The following ALK variants were observed in gnomAD, a reference collection of about 807,000 sequenced individuals.
ALK encodes the protein ALK receptor tyrosine kinase.
A neutral mutation model predicts 163.1 loss-of-function variants in ALK; 74 were observed. The ratio of observed to expected loss-of-function variants is 0.45; its 90% confidence interval spans 0.38 to 0.55. The LOEUF (loss-of-function observed/expected upper bound fraction) is 0.55, where lower values mean the gene tolerates loss of function less well. Among genes scored for constraint, ALK ranks in the 20% least tolerant of loss-of-function variants. ALK has a pLI of 0.00. For synonymous variants in ALK, 960 were observed against 843.2 expected (o/e 1.14, Z -2.40); for missense variants, 2,063 against 2,105.3 (o/e 0.98, Z 0.39).
At chr2:29,331,487 C>T (rs771100357) in intron 5 of ALK, among the ~76,000 whole-genome samples, 26 of 152,180 alleles carry the variant, frequency 1.7e-4, no homozygotes, top group Admixed American at 5.2e-4. Context: ...AACAGGAGAA[C>T]GAGATACAAT....
intron 1 of ALK, among the ~76,000 whole-genome samples, chr2:29,776,751 T>C (rs1681187128): frequency 6.6e-6 from 1 of 152,090 alleles, no homozygotes; most frequent in African/African-American, 2.4e-5. Context: ...AAGCTATGAT[T>C]GTACCACTGC....
chr2:29,199,155 T>A (rs1382923882), intron 26 of ALK, among the ~76,000 whole-genome samples: 1 of 152,086 alleles, frequency 6.6e-6, no homozygotes, highest in Admixed American at 6.5e-5. Flanking sequence ...GGTTTCGTCA[T>A]GTTGGCCAGG....
intron 3 of ALK, among the ~76,000 whole-genome samples, chr2:29,554,907 C>T (rs1361764325): frequency 6.6e-6 from 1 of 152,154 alleles, no homozygotes; most frequent in Non-Finnish European, 1.5e-5. Flanking sequence ...ATCCTCACTG[C>T]TATACTCCCA....
At chr2:29,640,428 G>A (rs530517448) in intron 3 of ALK, among the ~76,000 whole-genome samples, 7 of 152,154 alleles carry the variant, frequency 4.6e-5, no homozygotes, top group South Asian at 2.1e-4. Context: ...TACTTCCTAC[G>A]ATCTGTCTCT....
At chr2:29,258,179 TTC>T (rs1346945145) in intron 11 of ALK, among the ~76,000 whole-genome samples, 2 of 152,174 alleles carry the variant, frequency 1.3e-5, no homozygotes, top group African/African-American at 4.8e-5. Context: ...ACTGCAGCAT[TTC>T]CCAGATTCTG....
intron 1 of ALK, among the ~76,000 whole-genome samples, chr2:29,768,695 T>G (rs1293628116): frequency 1.4e-5 from 2 of 138,544 alleles, no homozygotes; most frequent in Non-Finnish European, 3.1e-5. Context: ...AATTATAATT[T>G]TATTAAATTA....
intron 1 of ALK, among the ~76,000 whole-genome samples, chr2:29,728,196 G>A (rs1679629460): frequency 6.6e-6 from 1 of 152,132 alleles, no homozygotes; most frequent in African/African-American, 2.4e-5. Flanking sequence ...ACCATACTGG[G>A]GGCTTTATAG....
At chr2:29,856,205 C>G (rs536469429) in intron 1 of ALK, among the ~76,000 whole-genome samples, 2 of 152,292 alleles carry the variant, frequency 1.3e-5, no homozygotes, top group East Asian at 3.9e-4. Context: ...TCTTGCTTTA[C>G]AGTTTTGTGG....
chr2:29,706,461 C>A (rs928750358), intron 2 of ALK, among the ~76,000 whole-genome samples: 7 of 152,202 alleles, frequency 4.6e-5, no homozygotes, highest in Non-Finnish European at 2.9e-5. Context: ...TGTCATAGAG[C>A]CCCAGAACTT....
At chr2:29,783,897 G>C (rs1253585151) in intron 1 of ALK, among the ~76,000 whole-genome samples, 1 of 152,166 alleles carries the variant, frequency 6.6e-6, no homozygotes, top group African/African-American at 2.4e-5. Context: ...ATTCCACCAA[G>C]TGGCAGTCGT....
intron 5 of ALK, among the ~76,000 whole-genome samples, chr2:29,373,429 T>G (rs763135594): frequency 1.6e-4 from 24 of 152,358 alleles, no homozygotes; most frequent in Non-Finnish European, 2.8e-4. Flanking sequence ...GTGATTAATC[T>G]TTTCAATTAT....
chr2:29,794,759 T>C (rs1664266365), intron 1 of ALK, among the ~76,000 whole-genome samples: 1 of 152,124 alleles, frequency 6.6e-6, no homozygotes, highest in Non-Finnish European at 1.5e-5. Flanking sequence ...GGGGCATGGT[T>C]TGTGGCATCC....
chr2:29,223,028 G>C (rs1669849993), intron 20 of ALK, among the ~76,000 whole-genome samples: 1 of 152,182 alleles, frequency 6.6e-6, no homozygotes, highest in Non-Finnish European at 1.5e-5. Context: ...TAGATGCTCA[G>C]AGGAGGGGCC....
intron 4 of ALK, among the ~76,000 whole-genome samples, chr2:29,484,832 T>G (rs951819921): frequency 6.6e-6 from 1 of 152,198 alleles, no homozygotes; most frequent in African/African-American, 2.4e-5. Context: ...GACAACTCCT[T>G]TTTGTCAGCA....
At chr2:29,483,165 C>A (rs564187435) in intron 4 of ALK, among the ~76,000 whole-genome samples, 79 of 152,336 alleles carry the variant, frequency 5.2e-4, no homozygotes, top group Non-Finnish European at 5.1e-4. Flanking sequence ...CCTGGGTAAG[C>A]ATCTCCCTCT....
chr2:29,564,157 C>T (rs571860158), intron 3 of ALK, among the ~76,000 whole-genome samples: 4 of 151,574 alleles, frequency 2.6e-5, no homozygotes, highest in East Asian at 1.9e-4. Flanking sequence ...GGCTGTCGTG[C>T]GGTGAGTGGT....
In ALK at chr2:29,699,875, G is replaced by A. The variant is rs932175503; in HGVS notation, c.788-4861C>T. Among the ~76,000 whole-genome samples the A allele has an allele frequency of 5.3e-5, 8 of 152,216 alleles. 1 individual carries two copies. In the South Asian group the frequency reaches 1.4e-3, roughly 28 times the overall value. On this transcript the variant is annotated intron_variant, in intron 2 of 28. Transcript: ENST00000389048. The stretch of plus-strand genomic sequence containing the variant: ...CTTCTGGAAAAGATCTGCCAGCTGA[G>A]AGGAGCGTCAAGTGCTATGAAGGGA...
At chr2:29,645,344 A>G (rs1676840970) in intron 3 of ALK, among the ~76,000 whole-genome samples, 1 of 152,182 alleles carries the variant, frequency 6.6e-6, no homozygotes, top group South Asian at 2.1e-4. Flanking sequence ...AAAGTCAGAA[A>G]GTGTGTATTC....
In ALK at chr2:29,510,040, G is replaced by A. The variant is rs1009728023; in HGVS notation, c.1154+21875C>T. Among the ~76,000 whole-genome samples the A allele has an allele frequency of 7.2e-5, 11 of 152,302 alleles. No homozygotes were observed. In the East Asian group the frequency reaches 1.9e-3, roughly 27 times the overall value. ...GGGTGTAAAGGAAGCTTGACACTGG[G>A]TTTGGGCCAAGGTGGCCAGTGGAGG... On this transcript the variant is annotated intron_variant, in intron 4 of 28. Transcript: ENST00000389048.
Sources: allele counts gnomAD v4.1 joint callset (sites outside exome capture counted in the v4.1 genomes callset), GRCh38; gene constraint gnomAD v4.1.1; transcripts MANE v1.5; gene names NCBI Gene and HGNC (gene_info 2026-07-23, HGNC 2026-07-21).